Variants in TMEM232 observed in about 807,000 individuals in gnomAD.
The protein encoded by TMEM232 is transmembrane protein 232.
In TMEM232, 80 loss-of-function variants were observed where a neutral mutation model predicts 78.8. That is an observed-to-expected ratio of 1.01 (90% CI 0.85 to 1.22). The LOEUF (loss-of-function observed/expected upper bound fraction) is 1.22, where lower values mean the gene tolerates loss of function less well. TMEM232 is among the 50% of genes most tolerant of loss of function. TMEM232 has a pLI of 0.00. For synonymous variants in TMEM232, 297 were observed against 254.3 expected, an observed-to-expected ratio of 1.17 and a Z score of -1.60; for missense variants, 881 against 742.2, an observed-to-expected ratio of 1.19 and a Z score of -2.17.
At chr5:110,431,509 C>G (rs1339689016) in intron 12 of TMEM232, among the ~76,000 whole-genome samples, 1 of 151,560 alleles carries the variant, frequency 6.6e-6, no homozygotes, top group Non-Finnish European at 1.5e-5. Flanking sequence ...AACCAGGAGT[C>G]TTTGTCATTT....
intron 1 of TMEM232, among the ~76,000 whole-genome samples, chr5:110,705,332 G>A (rs1039953597): frequency 6.6e-6 from 1 of 152,104 alleles, no homozygotes; most frequent in East Asian, 1.9e-4. Flanking sequence ...AGTTGGGAAT[G>A]TATTTAATAA....
At chr5:110,583,966 C>CAAAAAAAAAAAAAAAAAAAAAA (rs60079206) in intron 10 of TMEM232, among the ~76,000 whole-genome samples, 1 of 99,084 alleles carries the variant, frequency 1.0e-5, no homozygotes. Context: ...TATCTATTAT[C>CAAAAAAAAAAAAAAAAAAAAAA]AAAAAAAAAA....
At chr5:110,668,681 C>T (rs760995487) in intron 1 of TMEM232, among the ~76,000 whole-genome samples, 4 of 152,166 alleles carry the variant, frequency 2.6e-5, no homozygotes, top group African/African-American at 9.7e-5. Context: ...ATACATTCTT[C>T]TCAGCACCAC....
intron 10 of TMEM232, among the ~76,000 whole-genome samples, chr5:110,589,801 G>T (rs1479428969): frequency 6.6e-6 from 1 of 152,088 alleles, no homozygotes; most frequent in African/African-American, 2.4e-5. Flanking sequence ...TATCCTTTAT[G>T]ACCCATAAGG....
chr5:110,565,531 A>G (rs1178834594), intron 11 of TMEM232, among the ~76,000 whole-genome samples: 5 of 152,006 alleles, frequency 3.3e-5, no homozygotes, highest in African/African-American at 1.2e-4. Context: ...ATCCCTTGGC[A>G]TACAGTTTTC....
At chr5:110,481,840 A>G (rs1439972342) in intron 12 of TMEM232, among the ~76,000 whole-genome samples, 2 of 152,172 alleles carry the variant, frequency 1.3e-5, no homozygotes, top group East Asian at 3.9e-4. Flanking sequence ...GTATAAGAAC[A>G]CAGGCTAAAA....
In TMEM232 at chr5:110,676,598, T is replaced by G. The variant is rs139932376; in HGVS notation, c.-12-9234A>C. Among the ~76,000 whole-genome samples the G allele has an allele frequency of 1.9e-3, 291 of 151,866 alleles. 1 individual carries two copies. Among genetic ancestry groups the G allele is most frequent in the East Asian group, 8.7e-3 (45 of 5,146 alleles). ...TGTTTGTATGTATGTATGTATGTATTTATTTAGTAGAGATGAGTTTTCACC... is the reference window on the plus strand; with the variant it reads ...TGTTTGTATGTATGTATGTATGTATGTATTTAGTAGAGATGAGTTTTCACC... On this transcript the variant is annotated intron_variant, in intron 1 of 13. Transcript: ENST00000455884.
intron 1 of TMEM232, among the ~76,000 whole-genome samples, chr5:110,693,869 G>C (rs1368508138): frequency 3.9e-5 from 6 of 152,134 alleles, no homozygotes; most frequent in Non-Finnish European, 5.9e-5. Flanking sequence ...AACCAAGTTG[G>C]AAAACACTCT....
At chr5:110,692,920 C>T (rs1342765784) in intron 1 of TMEM232, among the ~76,000 whole-genome samples, 2 of 152,216 alleles carry the variant, frequency 1.3e-5, no homozygotes, top group Middle Eastern at 6.3e-3. Context: ...CCTCTGCAGA[C>T]TTAAATGTCC....
chr5:110,438,753 T>C (rs1178166019), intron 12 of TMEM232, among the ~76,000 whole-genome samples: 1 of 152,088 alleles, frequency 6.6e-6, no homozygotes, highest in Non-Finnish European at 1.5e-5. Context: ...AAAACGACAG[T>C]TTATCATTAA....
chr5:110,731,572 G>A (rs964611803), upstream of TMEM232, among the ~76,000 whole-genome samples: 1 of 152,202 alleles, frequency 6.6e-6, no homozygotes, highest in Non-Finnish European at 1.5e-5. Flanking sequence ...AACACCACAT[G>A]GAAGCTGCTA....
At chr5:110,583,886 T>A (rs1778488917) in intron 10 of TMEM232, among the ~76,000 whole-genome samples, 1 of 148,874 alleles carries the variant, frequency 6.7e-6, no homozygotes, top group Non-Finnish European at 1.5e-5. Flanking sequence ...GAAAATATGC[T>A]CAATATCACT....
At chr5:110,647,833 A>AAC (rs1378031858) in intron 2 of TMEM232, among the ~76,000 whole-genome samples, 4 of 152,010 alleles carry the variant, frequency 2.6e-5, no homozygotes, top group Non-Finnish European at 5.9e-5. Flanking sequence ...TCTAACATTC[A>AAC]ACAGGTGCAT....
intron 5 of TMEM232, among the ~76,000 whole-genome samples, chr5:110,634,263 C>T (rs986581723): frequency 1.3e-5 from 2 of 152,012 alleles, no homozygotes; most frequent in African/African-American, 2.4e-5. Context: ...CTTCAACACT[C>T]GTCCCTTAGC....
intron 1 of TMEM232, among the ~76,000 whole-genome samples, chr5:110,707,800 G>A (rs1465191608): frequency 6.6e-6 from 1 of 152,162 alleles, no homozygotes; most frequent in Non-Finnish European, 1.5e-5. Flanking sequence ...AGGGGACTTT[G>A]TCTTACATCT....
Position 110,606,326 on chromosome 5 carries a change from G to C in TMEM232, c.903-39C>G, listed in dbSNP as rs200112041. On this transcript the variant is annotated intron_variant, in intron 8 of 13. Transcript: ENST00000455884. The stretch of plus-strand genomic sequence containing the variant: ...GGACGAAAGGATAAAGATTTTAATG[G>C]AAAATAATAATAATAATCAACTTTT... 4.1e-4 allele frequency: 596 copies of C among 1,457,840 alleles called. 3 individuals are homozygous for C. The highest frequency in any genetic ancestry group is 4.7e-4 in the Non-Finnish European group (513 of 1,092,980). The allele number at this position is 1,457,840 out of a possible 1,614,324, so 90.3% of individuals were successfully genotyped here. A position where few individuals can be genotyped will look rare whatever the true frequency, so the allele number is the denominator to read the frequency against.
At chr5:110,439,546 C>T (rs962408314) in intron 12 of TMEM232, among the ~76,000 whole-genome samples, 2 of 151,826 alleles carry the variant, frequency 1.3e-5, no homozygotes, top group African/African-American at 4.8e-5. Flanking sequence ...TGATCCCATC[C>T]CAAGGGGCTC....
chr5:110,599,628 A>G (rs1780645293), intron 10 of TMEM232, among the ~76,000 whole-genome samples: 1 of 152,204 alleles, frequency 6.6e-6, no homozygotes, highest in East Asian at 1.9e-4. Flanking sequence ...TCTTAAACAT[A>G]TATGCACCCA....
At chr5:110,500,779 C>T (rs904422460) in intron 12 of TMEM232, among the ~76,000 whole-genome samples, 6 of 152,140 alleles carry the variant, frequency 3.9e-5, no homozygotes, top group African/African-American at 7.2e-5. Flanking sequence ...TTAAAATCTA[C>T]GTTTACAATT....
Sources: allele counts gnomAD v4.1 joint callset (sites outside exome capture counted in the v4.1 genomes callset), GRCh38; gene constraint gnomAD v4.1.1; transcripts MANE v1.5; gene names NCBI Gene and HGNC (gene_info 2026-07-23, HGNC 2026-07-21).